Variants in EHBP1 observed in about 807,000 individuals in gnomAD.
EHBP1 encodes EH domain-binding protein 1.
EHBP1 carries 55 observed loss-of-function variants against 144.0 expected under a neutral mutation model. That is an observed-to-expected ratio of 0.38 (90% CI 0.31 to 0.48). The LOEUF is 0.48. Ranked by LOEUF, EHBP1 falls within the 20% of genes least tolerant of loss-of-function variation. The pLI is 0.98. For missense variants in EHBP1, 1,200 were observed against 1,364.2 expected (o/e 0.88, Z 1.90); for synonymous variants, 469 against 472.7 (o/e 0.99, Z 0.10).
intron 14 of EHBP1, among the ~76,000 whole-genome samples, chr2:62,964,230 C>T (rs1230351436): frequency 1.3e-5 from 2 of 152,050 alleles, no homozygotes; most frequent in African/African-American, 2.4e-5. Context: ...TATGTGGCCA[C>T]GAACCCCTAG....
intron 2 of EHBP1, among the ~76,000 whole-genome samples, chr2:62,725,801 G>A (rs185830805): frequency 1.3e-5 from 2 of 152,272 alleles, no homozygotes; most frequent in East Asian, 3.9e-4. Context: ...CGATGTGGGG[G>A]GTTGTCATGA....
intron 19 of EHBP1, among the ~76,000 whole-genome samples, chr2:63,025,935 G>T (rs1199248599): frequency 6.6e-6 from 1 of 152,134 alleles, no homozygotes; most frequent in Non-Finnish European, 1.5e-5. Context: ...CTAATGGAGG[G>T]TTTGCAATTG....
In EHBP1 at chr2:62,706,928, G is replaced by A. The variant is rs1055913878; in HGVS notation, c.-264G>A. 5.2e-6 allele frequency: 2 copies of A among 384,760 alleles called. No individual in the cohort carries two copies. The highest frequency in any genetic ancestry group is 3.5e-5 in the South Asian group (1 of 28,928). The allele number at this position is 384,760 out of a possible 1,614,324, so 23.8% of individuals were successfully genotyped here. ...AGAATACCCATCATATAGCCCCTGA[G>A]GTGGCATGGTGATGTCTCCATGAGG... On this transcript the variant is annotated 5_prime_UTR_variant, in exon 2 of 23. Transcript: ENST00000431489.
At chr2:62,677,648 C>T (rs757384334) in intron 1 of EHBP1, among the ~76,000 whole-genome samples, 24 of 152,002 alleles carry the variant, frequency 1.6e-4, no homozygotes, top group Admixed American at 5.2e-4. Flanking sequence ...CCCCACTACC[C>T]GTTGCAGCCT....
chr2:62,850,854 A>C (rs1389522917), intron 7 of EHBP1, among the ~76,000 whole-genome samples: 1 of 152,156 alleles, frequency 6.6e-6, no homozygotes. Flanking sequence ...ACAGACAAGT[A>C]CTTTTTTTAG....
intron 19 of EHBP1, among the ~76,000 whole-genome samples, chr2:63,036,619 GTAAA>G (rs1408758236): frequency 6.6e-6 from 1 of 151,902 alleles, no homozygotes; most frequent in Admixed American, 6.6e-5. Context: ...GAAAAATTCA[GTAAA>G]TAAACATTGA....
At chr2:62,871,115 A>G (rs1450439506) in intron 9 of EHBP1, among the ~76,000 whole-genome samples, 1 of 152,228 alleles carries the variant, frequency 6.6e-6, no homozygotes, top group Non-Finnish European at 1.5e-5. Context: ...TGGGTGGTGT[A>G]GGTGCTGAGT....
intron 10 of EHBP1, among the ~76,000 whole-genome samples, chr2:62,921,010 G>T (rs1404974724): frequency 6.6e-6 from 1 of 152,078 alleles, no homozygotes; most frequent in Non-Finnish European, 1.5e-5. Context: ...AATTCTGTTT[G>T]GATAAACAGT....
chr2:62,800,299 C>G (rs1222329323), intron 5 of EHBP1, among the ~76,000 whole-genome samples: 1 of 152,004 alleles, frequency 6.6e-6, no homozygotes, highest in Admixed American at 6.6e-5. Context: ...AGTAGATAAC[C>G]CAGCTTTTCT....
chr2:62,718,973 G>C (rs1367709268), intron 2 of EHBP1, among the ~76,000 whole-genome samples: 1 of 151,504 alleles, frequency 6.6e-6, no homozygotes, highest in African/African-American at 2.4e-5. Context: ...TGAATGTTGA[G>C]GTAGAATTTT....
chr2:62,995,085 A>T (rs1312131096), intron 18 of EHBP1, among the ~76,000 whole-genome samples: 1 of 152,150 alleles, frequency 6.6e-6, no homozygotes, highest in Non-Finnish European at 1.5e-5. Context: ...AGAAAATAAA[A>T]TATCCCTTTT....
At chr2:62,935,945 A>G (rs546865902) in intron 10 of EHBP1, among the ~76,000 whole-genome samples, 4 of 152,338 alleles carry the variant, frequency 2.6e-5, no homozygotes, top group East Asian at 1.9e-4. Flanking sequence ...AGTTACCTCA[A>G]TAGATATGCT....
intron 2 of EHBP1, among the ~76,000 whole-genome samples, chr2:62,736,215 T>C (rs2038106437): frequency 6.6e-6 from 1 of 151,088 alleles, no homozygotes; most frequent in Admixed American, 6.6e-5. Flanking sequence ...CAGTCTTTGT[T>C]CTCTTTGCCT....
At chr2:62,685,272 C>T (rs183149529) in intron 1 of EHBP1, among the ~76,000 whole-genome samples, 2 of 152,206 alleles carry the variant, frequency 1.3e-5, no homozygotes, top group East Asian at 3.9e-4. Context: ...TGTAACATCA[C>T]TTTGTACCCC....
chr2:63,020,164 A>G (rs1380356075), intron 19 of EHBP1, among the ~76,000 whole-genome samples: 1 of 151,962 alleles, frequency 6.6e-6, no homozygotes, highest in Admixed American at 6.6e-5. Flanking sequence ...CTGTACTAAA[A>G]ATACAAAAAA....
intron 6 of EHBP1, among the ~76,000 whole-genome samples, chr2:62,828,593 G>GGAAAAACAA (rs1286375345): frequency 6.6e-6 from 1 of 151,958 alleles, no homozygotes; most frequent in African/African-American, 2.4e-5. Context: ...TGGCCCTGTT[G>GGAAAAACAA]GAAAAACAAT....
intron 1 of EHBP1, among the ~76,000 whole-genome samples, chr2:62,675,608 A>G (rs2033256240): frequency 1.3e-5 from 2 of 152,162 alleles, no homozygotes. Flanking sequence ...TAGGGACAAA[A>G]TAAGGCCTTT....
At chr2:62,885,013 A>C (rs886381848) in intron 10 of EHBP1, among the ~76,000 whole-genome samples, 1 of 152,252 alleles carries the variant, frequency 6.6e-6, no homozygotes, top group African/African-American at 2.4e-5. Flanking sequence ...TAATTTAATT[A>C]AACCTTTTGG....
intron 5 of EHBP1, among the ~76,000 whole-genome samples, chr2:62,825,183 C>G (rs948338346): frequency 6.6e-6 from 1 of 151,904 alleles, no homozygotes; most frequent in Non-Finnish European, 1.5e-5. Context: ...TTCCCTTTGC[C>G]ATAGAACCTG....
Sources: gnomAD v4.1 joint callset for allele counts (sites outside exome capture counted in the v4.1 genomes callset) on GRCh38, gnomAD v4.1.1 for gene constraint, MANE v1.5 for transcripts, NCBI Gene and HGNC (gene_info 2026-07-23, HGNC 2026-07-21) for gene names.